The following AP1G1 variants were observed in gnomAD, a reference collection of about 807,000 sequenced individuals.
AP1G1 encodes the protein AP-1 complex subunit gamma-1.
In AP1G1, 7 loss-of-function variants were observed where a neutral mutation model predicts 108.3. The ratio of observed to expected loss-of-function variants is 0.06; its 90% CI spans 0.04 to 0.12. The LOEUF (loss-of-function observed/expected upper bound fraction) is 0.12, where lower values mean the gene tolerates loss of function less well. AP1G1 is among the 10% of genes least tolerant of loss of function. The probability of loss-of-function intolerance (pLI) is 1.00; values close to 1 mark genes in which losing one functional copy is unlikely to be tolerated. For synonymous variants in AP1G1, 379 were observed against 353.5 expected (o/e 1.07, Z -0.81); for missense variants, 756 against 1,010.7 (o/e 0.75, Z 3.42).
rs541694559 is a variant in AP1G1 at position 71,792,082 on chromosome 16, G to C, written c.-3-2600C>G. ...AGGCCAACACTAAACTCTTATACAAGGGATGGCTGAAGGTAGTCTCACCTC... is the reference window on the plus strand; with the variant it reads ...AGGCCAACACTAAACTCTTATACAACGGATGGCTGAAGGTAGTCTCACCTC... On this transcript the variant is annotated intron_variant, in intron 1 of 22. Transcript: ENST00000299980. Among the ~76,000 whole-genome samples, 8 of 152,032 alleles carry C rather than the reference G, an allele frequency of 5.3e-5. No homozygotes were observed. In the East Asian group the frequency reaches 1.2e-3, roughly 22 times the overall value.
At chr16:71,739,550 TAC>T (rs2045591641) in intron 19 of AP1G1, among the ~76,000 whole-genome samples, 2 of 151,602 alleles carry the variant, frequency 1.3e-5, no homozygotes, top group South Asian at 4.2e-4. Flanking sequence ...TAAGAAAAAG[TAC>T]AGTCTGAGCA....
At chr16:71,773,477 A>T (rs1481019185) in intron 3 of AP1G1, 115 bp from the exon 4 acceptor site, 1 of 1,060,426 alleles carries the variant, frequency 9.4e-7, no homozygotes, top group Non-Finnish European at 1.3e-6. Flanking sequence ...AAACAATAGG[A>T]TTATTTGTTG....
At chr16:71,784,080 T>C (rs912841894) in intron 2 of AP1G1, among the ~76,000 whole-genome samples, 15 of 152,212 alleles carry the variant, frequency 9.9e-5, no homozygotes, top group Non-Finnish European at 1.6e-4. Flanking sequence ...AAGAGACTCC[T>C]AGACAAAAGG....
At chr16:71,748,084 C>T (rs2030279188) in intron 16 of AP1G1, among the ~76,000 whole-genome samples, 167 bp downstream of exon 16, 1 of 152,214 alleles carries the variant, frequency 6.6e-6, no homozygotes, top group African/African-American at 2.4e-5. Context: ...AGATTAACCA[C>T]AAATTGATCA....
intron 2 of AP1G1, among the ~76,000 whole-genome samples, chr16:71,784,422 C>G (rs1465954892): frequency 6.6e-6 from 1 of 152,128 alleles, no homozygotes; most frequent in African/African-American, 2.4e-5. Flanking sequence ...GCACCAACAG[C>G]AACTACACTG....
intron 1 of AP1G1, chr16:71,806,643 C>T: frequency 8.1e-7 from 1 of 1,227,796 alleles, no homozygotes; most frequent in Non-Finnish European, 1.1e-6. Context: ...AAGTCTAAGT[C>T]AGAAATGGAA....
chr16:71,752,139 G>A (rs1260000876), intron 13 of AP1G1, among the ~76,000 whole-genome samples: 2 of 151,974 alleles, frequency 1.3e-5, no homozygotes, highest in Non-Finnish European at 2.9e-5. Flanking sequence ...CAAATCACAT[G>A]ATCATAAGAG....
At chr16:71,746,885 A>C in intron 16 of AP1G1, 193 bp from the exon 17 acceptor site, 18 of 429,034 alleles carry the variant, frequency 4.2e-5, no homozygotes, top group East Asian at 1.2e-4. Context: ...TACTATTCTC[A>C]TTGTAACACT....
intron 13 of AP1G1, among the ~76,000 whole-genome samples, chr16:71,752,676 A>G (rs1026023385): frequency 8.5e-5 from 13 of 152,192 alleles, no homozygotes; most frequent in African/African-American, 3.1e-4. Context: ...AATGAATCAA[A>G]GGGTACAATT....
At chr16:71,779,833 A>C (rs1198861317) in intron 2 of AP1G1, among the ~76,000 whole-genome samples, 1 of 152,080 alleles carries the variant, frequency 6.6e-6, no homozygotes, top group African/African-American at 2.4e-5. Flanking sequence ...GCACACGGTC[A>C]GATGCACATC....
chr16:71,777,643 C>T (rs570735808), intron 2 of AP1G1: 9 of 456,634 alleles, frequency 2.0e-5, no homozygotes, highest in East Asian at 7.4e-5. Context: ...GCTAGGGATC[C>T]GGTTCATCCT....
At chr16:71,781,442 T>A (rs1005870839) in intron 2 of AP1G1, among the ~76,000 whole-genome samples, 6 of 152,218 alleles carry the variant, frequency 3.9e-5, no homozygotes, top group Non-Finnish European at 5.9e-5. Flanking sequence ...TATTTTACAT[T>A]ACAAATTCAA....
At chr16:71,789,145 A>C in intron 2 of AP1G1, 134 bp downstream of exon 2, 7 of 808,998 alleles carry the variant, frequency 8.7e-6, no homozygotes, top group Middle Eastern at 3.1e-4. Flanking sequence ...TTGCTCTCTC[A>C]ATCTTACCCT....
intron 11 of AP1G1, chr16:71,758,357 C>G (rs1294589022): frequency 2.0e-6 from 1 of 501,600 alleles, no homozygotes; most frequent in Admixed American, 2.0e-5. Context: ...CTGTTCTAAG[C>G]AATATGCTGC....
intron 4 of AP1G1, among the ~76,000 whole-genome samples, chr16:71,772,111 A>G (rs2031594454): frequency 6.7e-6 from 1 of 148,224 alleles, no homozygotes; most frequent in Non-Finnish European, 1.5e-5. Flanking sequence ...ATTTGGGAGG[A>G]AAAAATATCT....
chr16:71,749,815 T>G, intron 15 of AP1G1, 79 bp downstream of exon 15: 1 of 1,236,108 alleles, frequency 8.1e-7, no homozygotes, highest in South Asian at 1.2e-5. Context: ...GGAATCAACC[T>G]CAACTCCCCA....
rs1277834623 is a variant in AP1G1 at position 71,732,880 on chromosome 16, A to G, written c.*178T>C. 1.6e-5 allele frequency: 9 copies of G among 564,160 alleles called. No homozygotes were observed. The highest frequency in any genetic ancestry group is 9.4e-6 in the Non-Finnish European group (3 of 318,626). 34.9% of individuals were successfully genotyped at this position (564,160 alleles called of 1,614,324 possible). A position where few individuals can be genotyped will look rare whatever the true frequency, so the allele number is the denominator to read the frequency against. On this transcript the variant is annotated 3_prime_UTR_variant, in exon 23 of 23. Coordinates refer to ENST00000299980, the MANE Select transcript of AP1G1 (RefSeq NM_001128.6). ...GCCAGCCTCAACAGTGGAGGAGAGG[A>G]CATTAGTCTTTAACAATGCTTCAAG... is the stretch of plus-strand genomic sequence containing the variant.
chr16:71,771,421 C>G (rs907677434), intron 4 of AP1G1, among the ~76,000 whole-genome samples, 169 bp from the exon 5 acceptor site: 3 of 152,078 alleles, frequency 2.0e-5, no homozygotes, highest in Admixed American at 6.6e-5. Flanking sequence ...AGTGATAGCC[C>G]ACTCCTATAA....
chr16:71,806,130 G>A (rs2032991061), intron 1 of AP1G1, among the ~76,000 whole-genome samples: 1 of 152,116 alleles, frequency 6.6e-6, no homozygotes, highest in Non-Finnish European at 1.5e-5. Context: ...ACACTGGGGT[G>A]AAATATCACC....
Sources: allele counts gnomAD v4.1 joint callset (sites outside exome capture counted in the v4.1 genomes callset), GRCh38; gene constraint gnomAD v4.1.1; transcripts MANE v1.5; gene names NCBI Gene and HGNC (gene_info 2026-07-23, HGNC 2026-07-21).